The following ASPSCR1 variants were observed in gnomAD, a reference collection of about 807,000 sequenced individuals.
ASPSCR1 encodes tether containing UBX domain for GLUT4.
ASPSCR1 carries 55 observed loss-of-function variants against 68.9 expected under a neutral mutation model. That is an observed-to-expected ratio of 0.80 (90% CI 0.64 to 1.00). The LOEUF (loss-of-function observed/expected upper bound fraction) is 1.00, where lower values mean the gene tolerates loss of function less well. ASPSCR1 is among the 50% of genes least tolerant of loss of function. The pLI is 0.00. For synonymous variants in ASPSCR1, 352 were observed against 332.6 expected, an observed-to-expected ratio of 1.06 and a Z score of -0.63; for missense variants, 765 against 762.2, an observed-to-expected ratio of 1.00 and a Z score of -0.04.
rs1230290308 is a variant in ASPSCR1, at chr17:81,990,863, G to A, written c.375-3958G>A. On this transcript the variant is annotated intron_variant, in intron 4 of 15. Coordinates refer to ENST00000306739, the MANE Select transcript of ASPSCR1 (RefSeq NM_024083.4). The surrounding 1 kb of genome is among the most constrained non-coding windows in gnomAD (Gnocchi z 4.1). ...TAGAGCCAGCAGGCACTAGCCCCAG[G>A]AGGTCATACTGTGACTCGGGGGATA... 2.0e-5 allele frequency among the ~76,000 whole-genome samples: 3 copies of A among 152,184 alleles called. No individual in the cohort carries two copies. The highest frequency in any genetic ancestry group is 6.5e-5 in the Admixed American group (1 of 15,278).
intron 9 of ASPSCR1, among the ~76,000 whole-genome samples, chr17:82,010,301 G>T (rs928039566): frequency 6.6e-6 from 1 of 151,040 alleles, no homozygotes; most frequent in Non-Finnish European, 1.5e-5. Flanking sequence ...AGGCCAAGGT[G>T]GGCGGATCAT....
intron 12 of ASPSCR1, among the ~76,000 whole-genome samples, chr17:82,012,651 G>A (rs141391086): frequency 3.8e-4 from 58 of 152,282 alleles, no homozygotes; most frequent in African/African-American, 1.3e-3. Context: ...AGGGCTCAGG[G>A]AGCCCCAGAG....
intron 7 of ASPSCR1, chr17:82,008,624 T>C: frequency 6.0e-6 from 1 of 167,098 alleles, no homozygotes; most frequent in Non-Finnish European, 1.3e-5. Flanking sequence ...AGCCTGGCCA[T>C]GGAGCTGTGG....
rs1201344072 is a variant in ASPSCR1 at position 81,983,201 on chromosome 17, C to A, written c.159-353C>A. On this transcript the variant is annotated intron_variant, in intron 2 of 15. Coordinates refer to ENST00000306739, the MANE Select transcript of ASPSCR1 (RefSeq NM_024083.4). This position sits in a 1 kb window ranked among gnomAD's most constrained non-coding sequence, Gnocchi z 4.4. ...ACGGCCGGGGTCTGTGACACTCCAG[C>A]TTCCGCGAGTGCAGCAGTGTTCACG... is the stretch of plus-strand genomic sequence containing the variant. Among the ~76,000 whole-genome samples, 1 of 152,216 alleles carries A rather than the reference C, an allele frequency of 6.6e-6. No homozygotes were observed. The highest frequency in any genetic ancestry group is 2.4e-5 in the African/African-American group (1 of 41,458).
At chr17:82,015,097 C>T (rs1437066230) in intron 12 of ASPSCR1, 2 of 1,598,016 alleles carry the variant, frequency 1.3e-6, no homozygotes, top group Non-Finnish European at 1.7e-6. Context: ...GACCGGGTGG[C>T]TCCATTCACC....
chr17:82,013,175 G>A (rs951617602), intron 12 of ASPSCR1: 1 of 152,220 alleles, frequency 6.6e-6, no homozygotes, highest in African/African-American at 2.4e-5. Flanking sequence ...GGCAGGGGAG[G>A]GGTGAGACAG....
At chr17:81,981,503 C>T (rs1176509999) in intron 2 of ASPSCR1, among the ~76,000 whole-genome samples, 1 of 152,214 alleles carries the variant, frequency 6.6e-6, no homozygotes, top group Non-Finnish European at 1.5e-5. Context: ...CTCAGCCTCC[C>T]GAGTAGCTGG....
chr17:81,994,314 C>A (rs1034401508), intron 4 of ASPSCR1, among the ~76,000 whole-genome samples: 9 of 152,248 alleles, frequency 5.9e-5, no homozygotes, highest in Non-Finnish European at 1.2e-4. Flanking sequence ...TGCAGCGCCC[C>A]TCCCTCCATG....
chr17:82,012,007 GC>G (rs553154408), intron 11 of ASPSCR1: 2 of 658,610 alleles, frequency 3.0e-6, no homozygotes, highest in South Asian at 3.4e-5. Flanking sequence ...GGGGAGCCGG[GC>G]TGCACGGGTG....
chr17:82,006,637 C>G (rs1285932391), intron 7 of ASPSCR1: 1 of 152,308 alleles, frequency 6.6e-6, no homozygotes. Context: ...CAGCCCGTTT[C>G]TTTTCTCCTG....
chr17:82,002,374 C>T (rs1336766742), intron 7 of ASPSCR1, among the ~76,000 whole-genome samples: 1 of 151,488 alleles, frequency 6.6e-6, no homozygotes, highest in African/African-American at 2.4e-5. Context: ...TTTTCTGCCT[C>T]AGCCTCCCGA....
At chr17:81,992,823 T>G (rs1417139038) in intron 4 of ASPSCR1, among the ~76,000 whole-genome samples, 2 of 152,192 alleles carry the variant, frequency 1.3e-5, no homozygotes, top group African/African-American at 4.8e-5. Context: ...GACGGGAGCT[T>G]AGGGAGTGTG....
intron 9 of ASPSCR1, 88 bp from the exon 10 acceptor site, chr17:82,010,700 CCCTGGTGTCCATGG>C (rs2042907357): frequency 7.8e-7 from 1 of 1,278,650 alleles, no homozygotes; most frequent in East Asian, 2.3e-5. Context: ...CCTGCCTCAG[CCCTGGTGTCCATGG>C]CCCAGCATGG....
At chr17:82,016,389 G>C in intron 12 of ASPSCR1, 87 bp from the exon 13 acceptor site, 1 of 1,240,534 alleles carries the variant, frequency 8.1e-7, no homozygotes, top group Non-Finnish European at 1.1e-6. Flanking sequence ...GGTGGAGCTG[G>C]GGCCTGGCCC....
chr17:82,004,022 C>T (rs1193636409), intron 7 of ASPSCR1, among the ~76,000 whole-genome samples: 3 of 152,238 alleles, frequency 2.0e-5, no homozygotes. Flanking sequence ...CACAAACCCT[C>T]AGAGACGCTG....
chr17:81,983,569 G>A lies in ASPSCR1; in HGVS notation c.174G>A (p.Val58=), dbSNP rs1414945373. The A allele has an allele frequency of 1.9e-6, 3 of 1,612,948 alleles. No homozygotes were observed. Among genetic ancestry groups the A allele is most frequent in the Non-Finnish European group, 2.5e-6 (3 of 1,179,642 alleles). The part of the protein sequence containing the change: ...CEYDLKFQRS[V]LDLSLQWRFA... The stretch of plus-strand genomic sequence containing the variant: ...TGTCTTGCAGGTTTCAGAGGAGCGT[G>A]CTCGACCTTTCTCTCCAGTGGAGAT... Residue 58 remains valine, a synonymous_variant, in exon 3 of 16, where the codon GTG becomes GTA. Transcript: ENST00000306739. The surrounding 1 kb of genome is among the most constrained non-coding windows in gnomAD (Gnocchi z 4.4).
chr17:81,992,766 A>G (rs2007726070), intron 4 of ASPSCR1, among the ~76,000 whole-genome samples: 1 of 152,192 alleles, frequency 6.6e-6, no homozygotes, highest in Admixed American at 6.5e-5. Flanking sequence ...GTCTCCAGCC[A>G]TTTGGAGGGA....
intron 4 of ASPSCR1, among the ~76,000 whole-genome samples, chr17:81,991,087 C>T (rs960609752): frequency 1.3e-5 from 2 of 152,126 alleles, no homozygotes; most frequent in African/African-American, 2.4e-5. Flanking sequence ...AAGGGTGAGC[C>T]GTGGGAACTC....
chr17:81,992,555 G>A (rs981561513), intron 4 of ASPSCR1, among the ~76,000 whole-genome samples: 10 of 152,340 alleles, frequency 6.6e-5, no homozygotes, highest in African/African-American at 1.9e-4. Context: ...CCGTAGAGAA[G>A]TGGCCTCATG....
Sources: gnomAD v4.1 joint callset for allele counts (sites outside exome capture counted in the v4.1 genomes callset) on GRCh38, gnomAD v4.1.1 for gene constraint, Gnocchi (gnomAD v3.1) non-coding constraint, MANE v1.5 for transcripts, NCBI Gene and HGNC (gene_info 2026-07-23, HGNC 2026-07-21) for gene names.